CACNA2D3: variants seen among roughly 807,000 people sequenced by gnomAD.
CACNA2D3 encodes the protein calcium voltage-gated channel auxiliary subunit alpha2delta 3, also known as voltage-dependent calcium channel subunit alpha-2/delta-3.
A neutral mutation model predicts 160.6 loss-of-function variants in CACNA2D3; 60 were observed. That is an observed-to-expected ratio of 0.37 (90% CI 0.30 to 0.46). The LOEUF is 0.46. Among genes scored for constraint, CACNA2D3 ranks in the 20% least tolerant of loss-of-function variants. The pLI, the probability that CACNA2D3 is intolerant of heterozygous loss-of-function variation, is 1.00. For synonymous variants in CACNA2D3, 558 were observed against 492.9 expected, an observed-to-expected ratio of 1.13 and a Z score of -1.75; for missense variants, 1,205 against 1,365.0, an observed-to-expected ratio of 0.88 and a Z score of 1.85.
At chr3:54,979,425 A>G (rs1319841455) in intron 29 of CACNA2D3, among the ~76,000 whole-genome samples, 2 of 152,260 alleles carry the variant, frequency 1.3e-5, no homozygotes, top group Admixed American at 6.5e-5. Context: ...CTATATTGCC[A>G]TAAGTTAAGA....
At chr3:54,997,696 T>C (rs1309439663) in intron 31 of CACNA2D3, among the ~76,000 whole-genome samples, 3 of 152,186 alleles carry the variant, frequency 2.0e-5, no homozygotes, top group African/African-American at 7.2e-5. Context: ...CACTGAAGCC[T>C]GGGTGACAGA....
intron 27 of CACNA2D3, among the ~76,000 whole-genome samples, chr3:54,916,255 G>A (rs776684865): frequency 8.5e-5 from 13 of 152,166 alleles, no homozygotes; most frequent in Admixed American, 3.3e-4. Flanking sequence ...CTGGGACAAG[G>A]TATAAAAACG....
At chr3:54,290,977 C>T (rs1224319852) in intron 2 of CACNA2D3, among the ~76,000 whole-genome samples, 1 of 152,152 alleles carries the variant, frequency 6.6e-6, no homozygotes, top group Admixed American at 6.5e-5. Flanking sequence ...TTAATGGGTG[C>T]AGCACACCAA....
intron 35 of CACNA2D3, among the ~76,000 whole-genome samples, chr3:55,061,090 C>G (rs1302717442): frequency 2.6e-5 from 4 of 152,206 alleles, no homozygotes; most frequent in Admixed American, 6.5e-5. Context: ...TGCATTCTGT[C>G]TACAACAGAA....
chr3:54,618,625 T>C (rs1366794771), intron 9 of CACNA2D3, among the ~76,000 whole-genome samples: 1 of 152,108 alleles, frequency 6.6e-6, no homozygotes, highest in Non-Finnish European at 1.5e-5. Context: ...GGGGTCACAT[T>C]TCTTTGCTGA....
chr3:54,411,609 C>T (rs1699669348), intron 4 of CACNA2D3, among the ~76,000 whole-genome samples: 2 of 152,238 alleles, frequency 1.3e-5, no homozygotes, highest in South Asian at 4.1e-4. Flanking sequence ...ACTTAATAGA[C>T]TGTGGTATAG....
intron 11 of CACNA2D3, among the ~76,000 whole-genome samples, chr3:54,652,783 CTTTTTTTT>C (rs11428424): frequency 1.7e-5 from 2 of 118,260 alleles, no homozygotes; most frequent in Non-Finnish European, 3.4e-5. Context: ...CCATGGGAGG[CTTTTTTTT>C]TTTTTTTTTG....
At chr3:54,989,832 G>A (rs552913129) in intron 31 of CACNA2D3, among the ~76,000 whole-genome samples, 24 of 152,250 alleles carry the variant, frequency 1.6e-4, no homozygotes, top group African/African-American at 4.8e-4. Context: ...ACATTTACAC[G>A]TCTCCCTACA....
intron 14 of CACNA2D3, among the ~76,000 whole-genome samples, chr3:54,822,809 TTC>T (rs1275384071): frequency 8.1e-6 from 1 of 123,244 alleles, no homozygotes; most frequent in African/African-American, 3.7e-5. Flanking sequence ...CTTTCTTTCT[TTC>T]TTTCTTTCTT....
At chr3:54,123,845 CTG>C (rs1271364589) in intron 2 of CACNA2D3, among the ~76,000 whole-genome samples, 14 of 152,120 alleles carry the variant, frequency 9.2e-5, no homozygotes, top group Admixed American at 7.9e-4. Context: ...GGCTCGGAAA[CTG>C]AGTGTTTTTG....
At chr3:55,034,307 A>T (rs1055207090) in intron 35 of CACNA2D3, among the ~76,000 whole-genome samples, 5 of 151,920 alleles carry the variant, frequency 3.3e-5, no homozygotes, top group Admixed American at 2.0e-4. Flanking sequence ...AAATTTGAAC[A>T]TCTGTCATAT....
intron 14 of CACNA2D3, among the ~76,000 whole-genome samples, chr3:54,823,982 C>A (rs1353760362): frequency 6.6e-6 from 1 of 152,012 alleles, no homozygotes; most frequent in Admixed American, 6.6e-5. Flanking sequence ...AATAGACTAC[C>A]AAGAGTTAAC....
At chr3:54,283,437 G>C in intron 2 of CACNA2D3, among the ~76,000 whole-genome samples, 1 of 152,188 alleles carries the variant, frequency 6.6e-6, no homozygotes, top group East Asian at 1.9e-4. Flanking sequence ...TCTTTTAGCA[G>C]AGTATTAAAC....
rs561137022 is a variant in CACNA2D3, at chr3:54,422,804, C to T, written c.381+36030C>T. On this transcript the variant is annotated intron_variant, in intron 4 of 37. Coordinates refer to ENST00000474759, the MANE Select transcript of CACNA2D3 (RefSeq NM_018398.3). ...GCACAGACCCTACGAACCAGCAACT[C>T]CACGCCTTGCAATCTGCCTACAGAA... Among the ~76,000 whole-genome samples the T allele has an allele frequency of 2.2e-4, 34 of 152,312 alleles. 1 individual carries two copies. The South Asian group carries it at 5.6e-3, about 25-fold the overall frequency.
chr3:54,610,455 T>A (rs1016602541), intron 9 of CACNA2D3, among the ~76,000 whole-genome samples: 2 of 151,502 alleles, frequency 1.3e-5, no homozygotes, highest in African/African-American at 4.9e-5. Context: ...TTTTTTTAAG[T>A]CCGTTTCAAT....
chr3:54,389,995 G>A (rs910962681), intron 4 of CACNA2D3, among the ~76,000 whole-genome samples: 2 of 152,260 alleles, frequency 1.3e-5, no homozygotes, highest in African/African-American at 2.4e-5. Context: ...TGGCTTCATT[G>A]GTTCAACAGG....
chr3:54,389,524 A>G (rs1699245133), intron 4 of CACNA2D3, among the ~76,000 whole-genome samples: 1 of 152,218 alleles, frequency 6.6e-6, no homozygotes, highest in South Asian at 2.1e-4. Flanking sequence ...TTTATTGTGG[A>G]GAAACCTGAT....
chr3:54,672,258 T>TTAGGC (rs754700546), intron 11 of CACNA2D3, among the ~76,000 whole-genome samples: 16 of 152,210 alleles, frequency 1.1e-4, no homozygotes, highest in Non-Finnish European at 1.5e-4. Context: ...AGTTTCTTAA[T>TTAGGC]TAGGCTGGCT....
chr3:54,782,530 A>G (rs1177392715), intron 13 of CACNA2D3, among the ~76,000 whole-genome samples: 1 of 152,074 alleles, frequency 6.6e-6, no homozygotes, highest in Admixed American at 6.6e-5. Context: ...TGGACTTGCC[A>G]AGTTCTGACA....
Sources: gnomAD v4.1 joint callset for allele counts (sites outside exome capture counted in the v4.1 genomes callset) on GRCh38, gnomAD v4.1.1 for gene constraint, MANE v1.5 for transcripts, NCBI Gene and HGNC (gene_info 2026-07-23, HGNC 2026-07-21) for gene names.